SMPD3: variants seen among roughly 807,000 people sequenced by gnomAD.
SMPD3 encodes nSMase-2.
In SMPD3, 21 loss-of-function variants were observed where a neutral mutation model predicts 55.7. The ratio of observed to expected loss-of-function variants is 0.38; its 90% CI spans 0.27 to 0.54. The LOEUF is 0.54. Ranked by LOEUF, SMPD3 falls within the 20% of genes least tolerant of loss-of-function variation. The pLI is 0.80. For missense variants in SMPD3, 842 were observed against 899.6 expected (o/e 0.94, Z 0.82); for synonymous variants, 457 against 404.3 (o/e 1.13, Z -1.56).
At position 68,371,484 on chromosome 16, in the gene SMPD3, G is replaced by A. The variant is rs927781952; in HGVS notation, c.698C>T (p.Pro233Leu). The A allele has an allele frequency of 1.9e-6, 3 of 1,598,690 alleles. No individual in the cohort carries two copies. The highest frequency in any genetic ancestry group is 2.5e-6 in the Non-Finnish European group (3 of 1,179,540). Reference sequence around the variant, plus strand: ...ATCCTCCGGGCTGCTGCTGTCGACAGGGTCCCCAGAGGCTGGGCCGTTGGC... The same window carrying A: ...ATCCTCCGGGCTGCTGCTGTCGACAAGGTCCCCAGAGGCTGGGCCGTTGGC... The part of the protein sequence containing the change: ...EAANGPASGD[P>L]VDSSSPEDAC... Residue 233 changes from proline (P) to leucine (L), a missense_variant, in exon 3 of 9, where the codon CCT (proline) becomes CTT (leucine). Pro to Leu is a moderately conservative substitution (Grantham distance 98). This residue lies in a region of SMPD3 where 649 missense variants were observed against 643.6 expected (regional missense o/e 1.01). Coordinates refer to ENST00000219334, the MANE Select transcript of SMPD3 (RefSeq NM_018667.4).
chr16:68,382,932 C>T (rs1026109825), intron 2 of SMPD3, among the ~76,000 whole-genome samples: 1 of 152,218 alleles, frequency 6.6e-6, no homozygotes, highest in African/African-American at 2.4e-5. Context: ...ACCTCCACCC[C>T]CCACTGGGCT....
At chr16:68,425,294 G>A (rs2090427023) in intron 1 of SMPD3, among the ~76,000 whole-genome samples, 1 of 152,252 alleles carries the variant, frequency 6.6e-6, no homozygotes, top group Admixed American at 6.5e-5. Context: ...GTCAAGGCTG[G>A]AACTGGTGAG....
intron 1 of SMPD3, among the ~76,000 whole-genome samples, chr16:68,395,031 G>GC (rs2090143488): frequency 6.6e-6 from 1 of 151,702 alleles, no homozygotes. Context: ...CCCTTGGCTA[G>GC]CCCCCCTGGG....
chr16:68,430,120 G>A (rs2090468222), intron 1 of SMPD3, among the ~76,000 whole-genome samples: 1 of 152,068 alleles, frequency 6.6e-6, no homozygotes, highest in African/African-American at 2.4e-5. Context: ...CTTCCAGCAT[G>A]AGTGTAGAGG....
chr16:68,401,152 G>A (rs146211013), intron 1 of SMPD3, among the ~76,000 whole-genome samples: 117 of 152,286 alleles, frequency 7.7e-4, no homozygotes, highest in Middle Eastern at 3.4e-3. Context: ...CTTGAGCTCC[G>A]ATTTGTCATG....
In SMPD3 at chr16:68,404,960, C is replaced by T. The variant is rs2152014375; in HGVS notation, c.-268-18301G>A. Among the ~76,000 whole-genome samples, 1 of 152,340 alleles carries T rather than the reference C, an allele frequency of 6.6e-6. No homozygotes were observed. On this transcript the variant is annotated intron_variant, in intron 1 of 8. Coordinates refer to ENST00000219334, the MANE Select transcript of SMPD3 (RefSeq NM_018667.4). This position sits in a 1 kb window ranked among gnomAD's most constrained non-coding sequence, Gnocchi z 4.0. ...CCCTGTGGGCCAAGCGGATGTAGGA[C>T]CTGGCTCTTATCCGGGCATTTGGTA...
At position 68,386,647 on chromosome 16, in the gene SMPD3, T is replaced by G. The variant is rs1339159205; in HGVS notation, c.-256A>C. 3 of 148,990 alleles carry G rather than the reference T, an allele frequency of 2.0e-5. No individual in the cohort carries two copies. The highest frequency in any genetic ancestry group is 4.5e-5 in the Non-Finnish European group (3 of 67,234). The allele number at this position is 148,990 out of a possible 1,614,324, so 9.2% of individuals were successfully genotyped here. A position where few individuals can be genotyped will look rare whatever the true frequency, so the allele number is the denominator to read the frequency against. ...GTTGTCCTTCTCTCTGAAGAAGAGC[T>G]GTCACCGCAGACCTGAAAGGAGATG... is the stretch of plus-strand genomic sequence containing the variant. On this transcript the variant is annotated 5_prime_UTR_variant, in exon 2 of 9. Coordinates refer to ENST00000219334, the MANE Select transcript of SMPD3 (RefSeq NM_018667.4).
At chr16:68,445,487 CA>C (rs1255788406) in intron 1 of SMPD3, among the ~76,000 whole-genome samples, 1 of 152,210 alleles carries the variant, frequency 6.6e-6, no homozygotes, top group Non-Finnish European at 1.5e-5. Context: ...GAAAGAACTT[CA>C]GACAAGAACA....
chr16:68,365,131 A>C (rs374780807), intron 3 of SMPD3, 39 bp from the exon 4 acceptor site: 3 of 1,606,064 alleles, frequency 1.9e-6, no homozygotes, highest in Non-Finnish European at 2.6e-6. Flanking sequence ...CCTGCCAGTC[A>C]CTGTGGCCCT....
chr16:68,363,203 C>G (rs2279538), intron 7 of SMPD3, among the ~76,000 whole-genome samples: 20,625 of 152,104 alleles, frequency 0.14, 1,493 homozygotes, highest in African/African-American at 0.17. Context: ...AGGCCCTTTC[C>G]TGTACCCAGC....
rs894888174 is a variant in SMPD3 at position 68,361,005 on chromosome 16, TG to T, written c.*200del. On this transcript the variant is annotated 3_prime_UTR_variant, in exon 9 of 9. Transcript: ENST00000219334. The stretch of plus-strand genomic sequence containing the variant: ...CACTGGTTAGGCAGCTGGAGGCTCC[TG>T]GGGCGGGCCTGACTCCTCTGTCCAC... 3.5e-6 allele frequency: 2 copies of T among 570,828 alleles called. No individual in the cohort carries two copies. Among genetic ancestry groups the T allele is most frequent in the African/African-American group, 3.7e-5 (2 of 53,390 alleles). 35.4% of individuals were successfully genotyped at this position (570,828 alleles called of 1,614,324 possible).
At chr16:68,415,694 T>C (rs1567805217) in intron 1 of SMPD3, among the ~76,000 whole-genome samples, 1 of 152,172 alleles carries the variant, frequency 6.6e-6, no homozygotes, top group African/African-American at 2.4e-5. Context: ...AATGTTAACA[T>C]GAGGTTCTAT....
rs771888719 is a variant in SMPD3, at chr16:68,371,585, G to A, written c.597C>T (p.Ala199=). 1.5e-5 allele frequency: 23 copies of A among 1,576,070 alleles called. No homozygotes were observed. Among genetic ancestry groups the A allele is most frequent in the African/African-American group, 9.5e-5 (7 of 73,664 alleles). Reference sequence around the variant, plus strand: ...CTGTCCTCTTAATGCTCCCGGGGACGGCCCGGGCCACCCCATCGCCGCCCT... The same window carrying A: ...CTGTCCTCTTAATGCTCCCGGGGACAGCCCGGGCCACCCCATCGCCGCCCT... The part of the protein sequence containing the change: ...SPQGGDGVAR[A]VPGSIKRTAS... The change falls in exon 3 of 9, where the codon GCC becomes GCT. Residue 199 remains alanine, a synonymous_variant. Coordinates refer to ENST00000219334, the MANE Select transcript of SMPD3 (RefSeq NM_018667.4).
chr16:68,373,672 C>T (rs34050268), intron 2 of SMPD3, among the ~76,000 whole-genome samples: 11,141 of 152,264 alleles, frequency 0.073, 634 homozygotes, highest in African/African-American at 0.15. Flanking sequence ...CCCCCTGCAC[C>T]GGCCTGGGAC....
chr16:68,435,591 G>T (rs375800426), intron 1 of SMPD3, among the ~76,000 whole-genome samples: 3 of 152,160 alleles, frequency 2.0e-5, no homozygotes, highest in Non-Finnish European at 4.4e-5. Flanking sequence ...GGAAAGGCAC[G>T]GTGGGGGCTG....
At chr16:68,361,841 T>G in intron 7 of SMPD3, 82 bp from the exon 8 acceptor site, 25 of 914,364 alleles carry the variant, frequency 2.7e-5, no homozygotes, top group East Asian at 8.1e-5. Context: ...AGCCATGGTC[T>G]CCTCCCAGTG....
intron 8 of SMPD3, 31 bp downstream of exon 8, chr16:68,361,572 T>C (rs1397708083): frequency 6.2e-7 from 1 of 1,602,010 alleles, no homozygotes; most frequent in African/African-American, 1.3e-5. Context: ...TCTCTTTGCA[T>C]GGCCCTGGCT....
At chr16:68,421,634 G>A (rs1236231128) in intron 1 of SMPD3, among the ~76,000 whole-genome samples, 1 of 152,200 alleles carries the variant, frequency 6.6e-6, no homozygotes. Context: ...CCACCTCCCA[G>A]ACACATCTCT....
intron 1 of SMPD3, among the ~76,000 whole-genome samples, chr16:68,399,478 T>C (rs1241806926): frequency 6.6e-6 from 1 of 152,200 alleles, no homozygotes; most frequent in Non-Finnish European, 1.5e-5. Context: ...ACGCCCCCAG[T>C]ACATCTGCTG....
Sources: gnomAD v4.1 joint callset for allele counts (sites outside exome capture counted in the v4.1 genomes callset) on GRCh38, gnomAD v4.1.1 for gene constraint, gnomAD v4.1.1 regional missense constraint, Gnocchi (gnomAD v3.1) non-coding constraint, MANE v1.5 for transcripts, NCBI Gene and HGNC (gene_info 2026-07-23, HGNC 2026-07-21) for gene names.